Variants in ADAM22 observed in about 807,000 individuals in gnomAD.
ADAM22 encodes disintegrin and metalloproteinase domain-containing protein 22.
Under a neutral mutation model 144.6 loss-of-function variants are expected in ADAM22, and 65 were observed. The observed-to-expected ratio is 0.45, with a 90% CI of 0.37 to 0.55. ADAM22 has a LOEUF of 0.55. Ranked by LOEUF, ADAM22 falls within the 20% of genes least tolerant of loss-of-function variation. The pLI is 0.00. For synonymous variants in ADAM22, 391 were observed against 412.6 expected, an observed-to-expected ratio of 0.95 and a Z score of 0.63; for missense variants, 974 against 1,184.9, an observed-to-expected ratio of 0.82 and a Z score of 2.61.
chr7:87,943,098 T>A (rs1842791490), intron 2 of ADAM22, among the ~76,000 whole-genome samples: 1 of 150,072 alleles, frequency 6.7e-6, no homozygotes, highest in African/African-American at 2.4e-5. Flanking sequence ...AAATAAGGAT[T>A]AGTATTTATT....
In ADAM22 at chr7:87,934,358, G is replaced by T; in HGVS notation, c.-108G>T. On this transcript the variant is annotated 5_prime_UTR_variant, in exon 1 of 32. Coordinates refer to ENST00000413139, the MANE Select transcript of ADAM22 (RefSeq NM_001324418.2). ...CCGCCGCAGCACCGGCCGGGGCTGG[G>T]TGGAGGTGGCCGCGGGGACCCCGGG... The T allele has an allele frequency of 9.4e-7, 1 of 1,061,010 alleles. No homozygotes were observed. The highest frequency in any genetic ancestry group is 1.3e-6 in the Non-Finnish European group (1 of 741,370). 65.7% of individuals were successfully genotyped at this position (1,061,010 alleles called of 1,614,324 possible).
At chr7:87,985,646 C>T (rs957382857) in intron 3 of ADAM22, among the ~76,000 whole-genome samples, 2 of 152,116 alleles carry the variant, frequency 1.3e-5, no homozygotes, top group African/African-American at 4.8e-5. Context: ...TCAGTTCATT[C>T]CTTTTATTAC....
chr7:88,023,358 T>C (rs1798248130), intron 3 of ADAM22, among the ~76,000 whole-genome samples: 1 of 152,230 alleles, frequency 6.6e-6, no homozygotes, highest in Admixed American at 6.5e-5. Flanking sequence ...CATATCAGGG[T>C]AAATGGGATA....
intron 7 of ADAM22, among the ~76,000 whole-genome samples, chr7:88,121,539 A>C (rs564533062): frequency 6.6e-6 from 1 of 152,264 alleles, no homozygotes; most frequent in East Asian, 1.9e-4. Context: ...TTGTAGCGTA[A>C]CTGTCAGCTG....
At chr7:87,945,136 T>C (rs181623756) in intron 2 of ADAM22, among the ~76,000 whole-genome samples, 27 of 152,302 alleles carry the variant, frequency 1.8e-4, no homozygotes, top group African/African-American at 6.0e-4. Context: ...CCATTAAATA[T>C]TGATTTCCTA....
intron 3 of ADAM22, among the ~76,000 whole-genome samples, chr7:87,997,685 C>G (rs987119102): frequency 6.6e-6 from 1 of 152,246 alleles, no homozygotes; most frequent in Admixed American, 6.5e-5. Context: ...AGTGGTCAGT[C>G]AGGTCCTTCA....
chr7:87,966,397 C>A (rs1355211843), intron 2 of ADAM22, among the ~76,000 whole-genome samples: 3 of 152,154 alleles, frequency 2.0e-5, no homozygotes, highest in Admixed American at 1.3e-4. Flanking sequence ...TAAGCATTTT[C>A]TTGTTCAGGC....
intron 2 of ADAM22, among the ~76,000 whole-genome samples, chr7:87,949,723 A>C (rs1844578422): frequency 6.6e-6 from 1 of 151,510 alleles, no homozygotes; most frequent in South Asian, 2.1e-4. Flanking sequence ...TAAGCCCCAG[A>C]TATTTTGTCT....
chr7:88,071,299 A>T (rs1812714503), intron 3 of ADAM22, among the ~76,000 whole-genome samples: 1 of 151,704 alleles, frequency 6.6e-6, no homozygotes, highest in African/African-American at 2.4e-5. Flanking sequence ...TAGATATGAG[A>T]TGGTGAATAG....
At chr7:88,085,134 C>G (rs1038436879) in intron 4 of ADAM22, among the ~76,000 whole-genome samples, 1 of 152,160 alleles carries the variant, frequency 6.6e-6, no homozygotes, top group Non-Finnish European at 1.5e-5. Context: ...TGGGGGAACA[C>G]AATCCACCTG....
intron 3 of ADAM22, among the ~76,000 whole-genome samples, chr7:88,039,464 A>AAAAAAAAAAAATATATAT: frequency 2.6e-5 from 2 of 76,378 alleles, no homozygotes; most frequent in African/African-American, 9.5e-5. Flanking sequence ...AAAAAAAAAA[A>AAAAAAAAAAAATATATAT]ATATATATAT....
At chr7:88,094,679 A>T (rs1052265766) in intron 4 of ADAM22, among the ~76,000 whole-genome samples, 1 of 152,162 alleles carries the variant, frequency 6.6e-6, no homozygotes, top group African/African-American at 2.4e-5. Flanking sequence ...TGCTTTGGTA[A>T]TTCTGAGTGG....
intron 3 of ADAM22, among the ~76,000 whole-genome samples, chr7:88,029,553 C>T (rs1046668261): frequency 6.6e-6 from 1 of 152,098 alleles, no homozygotes; most frequent in Non-Finnish European, 1.5e-5. Flanking sequence ...TGTGTACTTA[C>T]TATTGTCAAT....
rs1201509834 is a variant in ADAM22 at position 88,200,227 on chromosome 7, A to T, written c.*3736A>T. 1 of 152,190 alleles carries T rather than the reference A, an allele frequency of 6.6e-6. No individual in the cohort carries two copies. The highest frequency in any genetic ancestry group is 6.5e-5 in the Admixed American group (1 of 15,276). 9.4% of individuals were successfully genotyped at this position (152,190 alleles called of 1,614,324 possible). On this transcript the variant is annotated 3_prime_UTR_variant, in exon 32 of 32. Transcript: ENST00000413139. ...ATCCATTCATTTCCTATTGTCGTAT[A>T]GTTCTAACCATATATATAGTACTTT...
At chr7:87,995,497 T>C (rs1164741725) in intron 3 of ADAM22, among the ~76,000 whole-genome samples, 1 of 152,210 alleles carries the variant, frequency 6.6e-6, no homozygotes, top group Non-Finnish European at 1.5e-5. Context: ...TACTAATACC[T>C]GGGTCCCTTC....
chr7:88,113,716 AT>A (rs1563245929), intron 5 of ADAM22, among the ~76,000 whole-genome samples: 2 of 111,704 alleles, frequency 1.8e-5, no homozygotes, highest in African/African-American at 7.4e-5. Flanking sequence ...ATATATATAT[AT>A]ATATATATAT....
intron 30 of ADAM22, 148 bp downstream of exon 30, chr7:88,186,849 T>C: frequency 1.7e-6 from 1 of 602,010 alleles, no homozygotes; most frequent in Non-Finnish European, 2.9e-6. Context: ...CTTTTGACTC[T>C]GTTTTTGCTT....
At chr7:88,191,608 T>A (rs1187215965) in intron 30 of ADAM22, among the ~76,000 whole-genome samples, 2 of 152,190 alleles carry the variant, frequency 1.3e-5, no homozygotes, top group African/African-American at 4.8e-5. Flanking sequence ...CTATTTAAAG[T>A]GTTTTTCTAA....
In ADAM22 at chr7:88,091,968, T is replaced by A. The variant is rs527273351; in HGVS notation, c.391-16208T>A. On this transcript the variant is annotated intron_variant, in intron 4 of 31. Transcript: ENST00000413139. ...AGACTCCCCCACCCCCCGCTTTTTT[T>A]AAAAACTATTTCATTTTGGAGTTCA... Among the ~76,000 whole-genome samples, 9 of 151,976 alleles carry A rather than the reference T, an allele frequency of 5.9e-5. No individual in the cohort carries two copies. In the South Asian group the frequency reaches 6.3e-4, roughly 11 times the overall value.
Sources: gnomAD v4.1 joint callset for allele counts (sites outside exome capture counted in the v4.1 genomes callset) on GRCh38, gnomAD v4.1.1 for gene constraint, MANE v1.5 for transcripts, NCBI Gene and HGNC (gene_info 2026-07-23, HGNC 2026-07-21) for gene names.